The following COMMD10 variants were observed in gnomAD, a reference collection of about 807,000 sequenced individuals.
COMMD10 encodes COMM domain containing 10.
Under a neutral mutation model 28.9 loss-of-function variants are expected in COMMD10, and 33 were observed. The ratio of observed to expected loss-of-function variants is 1.14; its 90% CI spans 0.87 to 1.53. The LOEUF (loss-of-function observed/expected upper bound fraction) is 1.53. COMMD10 is among the 40% of genes most tolerant of loss of function. COMMD10 has a pLI of 0.00. For missense variants in COMMD10, 310 were observed against 233.4 expected, an observed-to-expected ratio of 1.33 and a Z score of -2.14; for synonymous variants, 110 against 81.7, an observed-to-expected ratio of 1.35 and a Z score of -1.87.
chr5:116,215,835 C>G (rs1168050458), intron 5 of COMMD10, among the ~76,000 whole-genome samples: 1 of 149,340 alleles, frequency 6.7e-6, no homozygotes, highest in Non-Finnish European at 1.5e-5. Flanking sequence ...TACTTGTAAT[C>G]AATGTGGAGT....
chr5:116,098,269 A>T (rs1469450048), intron 4 of COMMD10, among the ~76,000 whole-genome samples: 1 of 152,220 alleles, frequency 6.6e-6, no homozygotes, highest in Non-Finnish European at 1.5e-5. Context: ...AAATTGTAAC[A>T]AAAATATATT....
chr5:116,133,222 C>T (rs900232609), intron 4 of COMMD10, among the ~76,000 whole-genome samples: 1 of 152,128 alleles, frequency 6.6e-6, no homozygotes, highest in East Asian at 1.9e-4. Context: ...TTGAGATTTA[C>T]AGGAAATTAA....
intron 5 of COMMD10, among the ~76,000 whole-genome samples, chr5:116,176,226 C>T (rs1370991919): frequency 6.6e-6 from 1 of 152,176 alleles, no homozygotes; most frequent in African/African-American, 2.4e-5. Context: ...ATTCTCATGC[C>T]TCAGCCTCCT....
intron 5 of COMMD10, among the ~76,000 whole-genome samples, chr5:116,209,275 T>C (rs535046079): frequency 6.6e-6 from 1 of 151,962 alleles, no homozygotes; most frequent in African/African-American, 2.4e-5. Context: ...TATTTTCTAC[T>C]TACTGCTTCA....
rs771547829 is a variant in COMMD10, at chr5:116,091,190, G to A, written c.243+1G>A. 13 of 1,525,762 alleles carry A rather than the reference G, an allele frequency of 8.5e-6. No individual in the cohort carries two copies. The East Asian group carries it at 1.1e-4, about 13-fold the overall frequency. 94.5% of individuals were successfully genotyped at this position (1,525,762 alleles called of 1,614,324 possible). ...AACAATATCATTTATTTTAGAACAG[G>A]TATTTTTATTGCATCAAATTTTCTA... is the stretch of plus-strand genomic sequence containing the variant. On this transcript the variant is annotated splice_donor_variant, in intron 3 of 6. Transcript: ENST00000274458. LOFTEE classifies it high-confidence loss of function.
chr5:116,103,588 A>C (rs1176882779), intron 4 of COMMD10, among the ~76,000 whole-genome samples: 1 of 152,020 alleles, frequency 6.6e-6, no homozygotes, highest in Admixed American at 6.6e-5. Flanking sequence ...AGATTGCAAA[A>C]ATTTTCTCCC....
intron 4 of COMMD10, among the ~76,000 whole-genome samples, chr5:116,112,828 GTT>G (rs1337394748): frequency 6.6e-6 from 1 of 151,818 alleles, no homozygotes; most frequent in Admixed American, 6.6e-5. Flanking sequence ...AAACTTTTGG[GTT>G]TTTTGTCTGT....
chr5:116,126,295 A>G (rs1156332072), intron 4 of COMMD10, among the ~76,000 whole-genome samples: 3 of 152,186 alleles, frequency 2.0e-5, no homozygotes, highest in Non-Finnish European at 2.9e-5. Context: ...AAATGGAAGA[A>G]CATTCCATGC....
At chr5:116,098,087 A>G (rs1750524151) in intron 4 of COMMD10, among the ~76,000 whole-genome samples, 1 of 152,162 alleles carries the variant, frequency 6.6e-6, no homozygotes. Context: ...TATTATCCCA[A>G]GTGGTCCATG....
intron 5 of COMMD10, among the ~76,000 whole-genome samples, chr5:116,238,083 A>G (rs1163988346): frequency 6.6e-6 from 1 of 152,230 alleles, no homozygotes; most frequent in Admixed American, 6.5e-5. Flanking sequence ...GTCTGAAAAT[A>G]GTAATGCCCT....
intron 5 of COMMD10, among the ~76,000 whole-genome samples, chr5:116,165,354 TTTC>T (rs1386838310): frequency 3.9e-5 from 6 of 152,194 alleles, no homozygotes; most frequent in African/African-American, 7.2e-5. Flanking sequence ...GTAATTGTAA[TTTC>T]TTATTACAAA....
chr5:116,161,484 A>G (rs1224903447), intron 5 of COMMD10, among the ~76,000 whole-genome samples: 4 of 152,186 alleles, frequency 2.6e-5, no homozygotes, highest in Non-Finnish European at 5.9e-5. Flanking sequence ...GCAGTGACAA[A>G]TCAGCATATG....
chr5:116,169,903 G>T (rs1753263558), intron 5 of COMMD10, among the ~76,000 whole-genome samples: 1 of 152,108 alleles, frequency 6.6e-6, no homozygotes, highest in African/African-American at 2.4e-5. Flanking sequence ...GCAAAAGCTG[G>T]AAGTATTTTC....
Position 116,108,557 on chromosome 5 carries a change from T to C in COMMD10, c.399+15857T>C, listed in dbSNP as rs201699608. Among the ~76,000 whole-genome samples the C allele has an allele frequency of 4.6e-5, 7 of 152,282 alleles. No homozygotes were observed. The East Asian group carries it at 1.4e-3, about 29-fold the overall frequency. ...CCTGTCCCTCCACCAAGCTCGAGCTTCTAGGTCAACTCAGACTGCTGTGCT... is the reference window on the plus strand; with the variant it reads ...CCTGTCCCTCCACCAAGCTCGAGCTCCTAGGTCAACTCAGACTGCTGTGCT... On this transcript the variant is annotated intron_variant, in intron 4 of 6. Coordinates refer to ENST00000274458, the MANE Select transcript of COMMD10 (RefSeq NM_016144.4).
chr5:116,171,729 CAG>C (rs1163014213), intron 5 of COMMD10, among the ~76,000 whole-genome samples: 5 of 152,062 alleles, frequency 3.3e-5, no homozygotes, highest in Admixed American at 3.3e-4. Context: ...AACACAGGAA[CAG>C]AAAACCAAAG....
At chr5:116,277,737 G>A (rs1210832147) in intron 5 of COMMD10, among the ~76,000 whole-genome samples, 1 of 151,814 alleles carries the variant, frequency 6.6e-6, no homozygotes. Flanking sequence ...ACCTCATTTA[G>A]GTGCACACAT....
chr5:116,085,601 G>C (rs1321748520), intron 1 of COMMD10: 3 of 153,618 alleles, frequency 2.0e-5, no homozygotes, highest in African/African-American at 7.2e-5. Context: ...ATCTAGCCTG[G>C]CTTTGGTAGC....
At chr5:116,163,750 C>T (rs76047299) in intron 5 of COMMD10, among the ~76,000 whole-genome samples, 11,579 of 152,104 alleles carry the variant, frequency 0.076, 795 homozygotes, top group African/African-American at 0.19. Flanking sequence ...TAAGTTATGT[C>T]TTCTTAAACC....
At chr5:116,223,534 G>C (rs1413932022) in intron 5 of COMMD10, among the ~76,000 whole-genome samples, 1 of 152,082 alleles carries the variant, frequency 6.6e-6, no homozygotes, top group Admixed American at 6.6e-5. Context: ...GAAGTTCTAA[G>C]AAAGCAAAAA....
Sources: gnomAD v4.1 joint callset for allele counts (sites outside exome capture counted in the v4.1 genomes callset) on GRCh38, gnomAD v4.1.1 for gene constraint, MANE v1.5 for transcripts, NCBI Gene and HGNC (gene_info 2026-07-23, HGNC 2026-07-21) for gene names.